The following MAP2K7 variants were observed in gnomAD, a reference collection of about 807,000 sequenced individuals.
MAP2K7 encodes mitogen-activated protein kinase kinase 7, also known as dual specificity mitogen-activated protein kinase kinase 7.
In MAP2K7, 12 loss-of-function variants were observed where a neutral mutation model predicts 47.7. The observed-to-expected ratio is 0.25, with a 90% CI of 0.16 to 0.41. The LOEUF is 0.41. MAP2K7 is among the 10% of genes least tolerant of loss of function. The pLI is 1.00. For missense variants in MAP2K7, 415 were observed against 600.3 expected, an observed-to-expected ratio of 0.69 and a Z score of 3.23; for synonymous variants, 299 against 243.0, an observed-to-expected ratio of 1.23 and a Z score of -2.14.
intron 5 of MAP2K7, 48 bp from the exon 6 acceptor site, chr19:7,910,648 G>A: frequency 6.2e-7 from 1 of 1,608,194 alleles, no homozygotes; most frequent in Non-Finnish European, 8.5e-7. Flanking sequence ...GAGCCTCTGG[G>A]GGGTGGGCCG....
chr19:7,912,452 C>T lies in MAP2K7; in HGVS notation c.*21C>T. On this transcript the variant is annotated 3_prime_UTR_variant, in exon 11 of 11. Coordinates refer to ENST00000397979, the MANE Select transcript of MAP2K7 (RefSeq NM_145185.4). The stretch of plus-strand genomic sequence containing the variant: ...GGTAGCTGCTTGGCGGCGGCCAGCC[C>T]CACAGGGGGCCAGGGGCATGGCCAC... 6.2e-7 allele frequency: 1 copy of T among 1,600,994 alleles called. No homozygotes were observed. Among genetic ancestry groups the T allele is most frequent in the Non-Finnish European group, 8.5e-7 (1 of 1,176,968 alleles).
rs769499056 is a variant in MAP2K7, at chr19:7,910,568, C to A, written c.563C>A (p.Thr188Asn). Residue 188 changes from threonine to asparagine, a missense_variant, in exon 5 of 11, where the codon ACC (threonine) becomes AAC (asparagine). Physicochemically the swap from Thr to Asn is moderately conservative, Grantham distance 65. Around this residue, in one of 3 missense-constraint regions of MAP2K7, gnomAD observed 206 missense variants for 368.8 expected, o/e 0.56. Transcript: ENST00000397979. ...YIVQCFGTFITNTDVFIAMEL... is the reference protein window; with the variant it reads ...YIVQCFGTFINNTDVFIAMEL... ...GTGCAGTGCTTTGGGACGTTCATCA[C>A]CAACGTGAGTACCTGGCCGCGCCCT... The A allele has an allele frequency of 6.2e-7, 1 of 1,613,608 alleles. No individual in the cohort carries two copies. The highest frequency in any genetic ancestry group is 8.5e-7 in the Non-Finnish European group (1 of 1,179,964).
chr19:7,910,298 C>A lies in MAP2K7; in HGVS notation c.372C>A (p.Gly124=). 1.2e-6 allele frequency: 2 copies of A among 1,613,348 alleles called. No individual in the cohort carries two copies. The highest frequency in any genetic ancestry group is 1.7e-6 in the Non-Finnish European group (2 of 1,179,948). The change falls in exon 4 of 11, where the codon GGC becomes GGA. Residue 124 remains glycine (G), a synonymous_variant. Coordinates refer to ENST00000397979, the MANE Select transcript of MAP2K7 (RefSeq NM_145185.4). ...QAEINDLENL[G]EMGSGTCGQV... ...AAATCAACGACCTGGAGAACTTGGG[C>A]GAGATGGGCAGCGGCACCTGCGGCC...
Position 7,910,486 on chromosome 19 carries a change from A to G in MAP2K7, c.481A>G (p.Lys161Glu). The change falls in exon 5 of 11, where the codon AAG becomes GAG. Residue 161 changes from lysine (K) to glutamate (E), a missense_variant. Transcript: ENST00000397979. ...GCGCTCCGGGAACAAGGAGGAGAAC[A>G]AGCGCATCCTCATGGACCTGGATGT... is the stretch of plus-strand genomic sequence containing the variant. Reference protein sequence around the residue: ...MRRSGNKEENKRILMDLDVVL... With the variant: ...MRRSGNKEENERILMDLDVVL... 1 of 1,612,272 alleles carries G rather than the reference A, an allele frequency of 6.2e-7. No homozygotes were observed. The highest frequency in any genetic ancestry group is 8.5e-7 in the Non-Finnish European group (1 of 1,179,360).
At chr19:7,909,918 G>A in intron 2 of MAP2K7, 22 bp downstream of exon 2, 1 of 1,504,518 alleles carries the variant, frequency 6.6e-7, no homozygotes, top group African/African-American at 1.4e-5. Context: ...GCCCAGCAGG[G>A]TTGGGTGGGA....
chr19:7,904,412 G>A (rs1290878547), intron 1 of MAP2K7: 4 of 343,978 alleles, frequency 1.2e-5, no homozygotes, highest in Admixed American at 1.1e-4. Context: ...ACACAGACAC[G>A]TCCCTGTTGA....
At position 7,910,452 on chromosome 19, in the gene MAP2K7, G is replaced by A; in HGVS notation, c.448-1G>A. 1 of 1,606,082 alleles carries A rather than the reference G, an allele frequency of 6.2e-7. No homozygotes were observed. The highest frequency in any genetic ancestry group is 8.5e-7 in the Non-Finnish European group (1 of 1,176,698). On this transcript the variant is annotated splice_acceptor_variant, in intron 4 of 10. Transcript: ENST00000397979. LOFTEE classifies it high-confidence loss of function. ...GCTCCCTCCTGTCCCTGCCTGTGCA[G>A]CAAATGCGGCGCTCCGGGAACAAGG...
In MAP2K7 at chr19:7,911,173, C is replaced by G. The variant is rs568773901; in HGVS notation, c.855+14C>G. 22 of 1,608,286 alleles carry G rather than the reference C, an allele frequency of 1.4e-5. No homozygotes were observed. The highest frequency in any genetic ancestry group is 1.9e-5 in the Non-Finnish European group (22 of 1,177,262). The stretch of plus-strand genomic sequence containing the variant: ...GCCTACATGGCAGTGAGTGGGGGCC[C>G]CCCAGCGGGGGAGGGGGTGGGGGCT... On this transcript the variant is annotated intron_variant, in intron 7 of 10. Transcript: ENST00000397979.
chr19:7,905,827 C>A (rs1451967538), intron 1 of MAP2K7: 9 of 1,612,052 alleles, frequency 5.6e-6, no homozygotes, highest in Non-Finnish European at 7.6e-6. Context: ...TCACTCTAAG[C>A]CCTGCTCCTG....
At chr19:7,910,883 T>A in intron 6 of MAP2K7, 80 bp downstream of exon 6, 1 of 1,588,860 alleles carries the variant, frequency 6.3e-7, no homozygotes. Context: ...CTGGGCAAGA[T>A]GACAGTGGCG....
At chr19:7,911,409 G>C (rs1014816452) in intron 8 of MAP2K7, 27 bp from the exon 9 acceptor site, 5 of 1,613,118 alleles carry the variant, frequency 3.1e-6, no homozygotes, top group Non-Finnish European at 4.2e-6. Context: ...ACATAAACCT[G>C]TCCAGCCCTG....
Position 7,904,085 on chromosome 19 carries a change from G to A in MAP2K7, c.124+17G>A, listed in dbSNP as rs1270874517. The A allele has an allele frequency of 1.5e-6, 2 of 1,298,618 alleles. No homozygotes were observed. The highest frequency in any genetic ancestry group is 3.8e-5 in the Admixed American group (1 of 26,418). 80.4% of individuals were successfully genotyped at this position (1,298,618 alleles called of 1,614,324 possible). ...CCAGGCCCAGTAAGCACGGCGGCGT[G>A]GGGGAGGGGGCGGGCGGGCGGGGCG... On this transcript the variant is annotated intron_variant, in intron 1 of 10. Transcript: ENST00000397979.
rs1016565314 is a variant in MAP2K7, at chr19:7,910,614, A to G, written c.567+42A>G. 3.7e-6 allele frequency: 6 copies of G among 1,610,702 alleles called. No homozygotes were observed. The South Asian group carries it at 6.6e-5, about 18-fold the overall frequency. ...GCCCTGCAGCGTCTCCTCCTCCCTCACCCCTGCCCCTTCCTAGGGAGCAGA... is the reference window on the plus strand; with the variant it reads ...GCCCTGCAGCGTCTCCTCCTCCCTCGCCCCTGCCCCTTCCTAGGGAGCAGA... On this transcript the variant is annotated intron_variant, in intron 5 of 10. Coordinates refer to ENST00000397979, the MANE Select transcript of MAP2K7 (RefSeq NM_145185.4).
Position 7,904,009 on chromosome 19 carries a change from G to A in MAP2K7, c.65G>A (p.Arg22Gln), listed in dbSNP as rs766283924. ...GAAGCAAAGCTGAAGCAGGAGAACC[G>A]GGAGGCCCGGCGGAGGATCGACCTC... ...RLEAKLKQEN[R>Q]EARRRIDLNL... The change falls in exon 1 of 11, where the codon CGG becomes CAG. Residue 22 changes from arginine to glutamine, a missense_variant. This residue lies in a region of MAP2K7 where 115 missense variants were observed against 126.2 expected (regional missense o/e 0.91). Transcript: ENST00000397979. 6.4e-7 allele frequency: 1 copy of A among 1,551,994 alleles called. No individual in the cohort carries two copies. The highest frequency in any genetic ancestry group is 1.2e-5 in the South Asian group (1 of 85,680).
Position 7,911,103 on chromosome 19 carries a change from C to A in MAP2K7, c.799C>A (p.Arg267Ser). 6.2e-7 allele frequency: 1 copy of A among 1,612,452 alleles called. No homozygotes were observed. Among genetic ancestry groups the A allele is most frequent in the Non-Finnish European group, 8.5e-7 (1 of 1,179,860 alleles). ...GCTCTGCGACTTCGGCATCAGCGGC[C>A]GCCTGGTGGACTCCAAAGCCAAGAC... ...IKLCDFGISG[R>S]LVDSKAKTRS... is the part of the protein sequence containing the mutation. Residue 267 changes from arginine (R) to serine (S), a missense_variant, in exon 7 of 11, where the codon CGC (arginine) becomes AGC (serine). Arg to Ser is a moderately radical substitution (Grantham distance 110). Transcript: ENST00000397979.
intron 1 of MAP2K7, chr19:7,905,741 G>T: frequency 7.5e-7 from 1 of 1,339,212 alleles, no homozygotes; most frequent in Non-Finnish European, 1.1e-6. Context: ...CTTTTCTTTT[G>T]GACGAATCAG....
chr19:7,911,994 C>A (rs980646437), intron 9 of MAP2K7, among the ~76,000 whole-genome samples, 155 bp from the exon 10 acceptor site: 1 of 152,182 alleles, frequency 6.6e-6, no homozygotes, highest in Non-Finnish European at 1.5e-5. Context: ...CAGTTGCTCC[C>A]CGCTGTCAGC....
chr19:7,913,163 G>C lies in MAP2K7; in HGVS notation c.*732G>C, dbSNP rs1212042876. 6.6e-6 allele frequency: 1 copy of C among 152,510 alleles called. No individual in the cohort carries two copies. The allele number at this position is 152,510 out of a possible 1,614,324, so 9.4% of individuals were successfully genotyped here. On this transcript the variant is annotated 3_prime_UTR_variant, in exon 11 of 11. Coordinates refer to ENST00000397979, the MANE Select transcript of MAP2K7 (RefSeq NM_145185.4). Reference sequence around the variant, plus strand: ...GGCGGAGGAGAGCTTGTTCTCGTGGGGTTGTCGGTACCTTCAGAAACTTTT... The same window carrying C: ...GGCGGAGGAGAGCTTGTTCTCGTGGCGTTGTCGGTACCTTCAGAAACTTTT...
At chr19:7,905,704 C>G (rs1180456428) in intron 1 of MAP2K7, 1 of 1,010,810 alleles carries the variant, frequency 9.9e-7, no homozygotes, top group Non-Finnish European at 1.6e-6. Context: ...CGGTGCCTCC[C>G]CCTCCTCCTC....
Sources: allele counts gnomAD v4.1 joint callset (sites outside exome capture counted in the v4.1 genomes callset), GRCh38; gene constraint gnomAD v4.1.1; regional missense constraint gnomAD v4.1.1; transcripts MANE v1.5; gene names NCBI Gene and HGNC (gene_info 2026-07-23, HGNC 2026-07-21).